The following LMF1 variants were observed in gnomAD, a reference collection of about 807,000 sequenced individuals.
LMF1 encodes transmembrane protein 112.
A neutral mutation model predicts 60.6 loss-of-function variants in LMF1; 68 were observed. The ratio of observed to expected loss-of-function variants is 1.12; its 90% CI spans 0.92 to 1.37. The LOEUF (loss-of-function observed/expected upper bound fraction) is 1.37, where lower values mean the gene tolerates loss of function less well. LMF1 is among the 40% of genes most tolerant of loss of function. LMF1 has a pLI of 0.00. For missense variants in LMF1, 948 were observed against 767.2 expected (o/e 1.24, Z -2.78); for synonymous variants, 418 against 324.7 (o/e 1.29, Z -3.09).
chr16:868,083 G>A (rs1379844495), intron 10 of LMF1, among the ~76,000 whole-genome samples: 1 of 152,104 alleles, frequency 6.6e-6, no homozygotes, highest in East Asian at 1.9e-4. Flanking sequence ...CTCTGTTCCT[G>A]CTACCTCCAG....
chr16:861,291 T>G (rs2069456738), intron 10 of LMF1, among the ~76,000 whole-genome samples: 1 of 152,160 alleles, frequency 6.6e-6, no homozygotes, highest in South Asian at 2.1e-4. Flanking sequence ...AGGAATACTA[T>G]TGAATCATTT....
In LMF1 at chr16:897,015, A is replaced by C. The variant is rs1056762792; in HGVS notation, c.664-3943T>G. 4.0e-5 allele frequency among the ~76,000 whole-genome samples: 6 copies of C among 151,738 alleles called. No individual in the cohort carries two copies. The South Asian group carries it at 1.0e-3, about 26-fold the overall frequency. On this transcript the variant is annotated intron_variant, in intron 4 of 10. Transcript: ENST00000262301. This position sits in a 1 kb window ranked among gnomAD's most constrained non-coding sequence, Gnocchi z 4.3. ...TTAATTCTAAAAAAAAAAATGGCAC[A>C]GACAGGCCAATAAACGCACCAGACC...
At chr16:946,909 C>T (rs2072251003) in intron 2 of LMF1, among the ~76,000 whole-genome samples, 2 of 152,246 alleles carry the variant, frequency 1.3e-5, no homozygotes, top group Non-Finnish European at 2.9e-5. Flanking sequence ...AGCAGACACA[C>T]ACAGGCTCCC....
Position 976,612 on chromosome 16 carries a change from A to G in LMF1, c.-135+4533T>C, listed in dbSNP as rs1163021847. The G allele has an allele frequency of 8.8e-6, 4 of 453,978 alleles. No individual in the cohort carries two copies. The Admixed American group carries it at 9.4e-5, about 11-fold the overall frequency. The allele number at this position is 453,978 out of a possible 1,614,324, so 28.1% of individuals were successfully genotyped here. On this transcript the variant is annotated intron_variant, in intron 1 of 6. Transcript: ENST00000570014. ...ACCCTCTGCCCATTATCAGACGAGAAGTGCAGAGAGCAAATGCGTGCTGTT... is the reference window on the plus strand; with the variant it reads ...ACCCTCTGCCCATTATCAGACGAGAGGTGCAGAGAGCAAATGCGTGCTGTT...
chr16:933,139 G>C (rs1038228794), intron 3 of LMF1: 2 of 152,258 alleles, frequency 1.3e-5, no homozygotes, highest in African/African-American at 4.8e-5. Flanking sequence ...AGCACGCAGA[G>C]CCGCACGCCC....
At chr16:919,699 G>C (rs779356816) in intron 3 of LMF1, among the ~76,000 whole-genome samples, 48 of 147,334 alleles carry the variant, frequency 3.3e-4, no homozygotes, top group Admixed American at 1.1e-3. Context: ...GGAGGTCTTG[G>C]GGAGAAAGAC....
At chr16:977,001 G>A (rs2073167371) in intron 1 of LMF1, 1 of 453,870 alleles carries the variant, frequency 2.2e-6, no homozygotes, top group South Asian at 1.6e-5. Context: ...GAGGTCGGGG[G>A]CATCAGGAGG....
At chr16:971,348 G>C (rs893695767), upstream of LMF1, among the ~76,000 whole-genome samples, 3 of 152,228 alleles carry the variant, frequency 2.0e-5, no homozygotes, top group Non-Finnish European at 4.4e-5. Context: ...CGCCTTCCCA[G>C]CTGTGGTCCT....
At position 879,738 on chromosome 16, in the gene LMF1, C is replaced by T. The variant is rs1242460191; in HGVS notation, c.730-1G>A. On this transcript the variant is annotated splice_acceptor_variant, in intron 5 of 10. Transcript: ENST00000262301. LOFTEE classifies it high-confidence loss of function. Reference sequence around the variant, plus strand: ...CCACAGGATTGGGCATCGGCTGGGTCTGCAGGGACAGGAGGGGCCGTGAGG... The same window carrying T: ...CCACAGGATTGGGCATCGGCTGGGTTTGCAGGGACAGGAGGGGCCGTGAGG... 1 of 1,579,856 alleles carries T rather than the reference C, an allele frequency of 6.3e-7. No homozygotes were observed. The highest frequency in any genetic ancestry group is 2.3e-5 in the East Asian group (1 of 43,118).
chr16:939,566 T>C (rs2072039070), intron 2 of LMF1, among the ~76,000 whole-genome samples: 1 of 152,216 alleles, frequency 6.6e-6, no homozygotes, highest in South Asian at 2.1e-4. Flanking sequence ...GACCAGTGCG[T>C]CGCTGAGACT....
At chr16:894,345 A>C (rs1270694171) in intron 4 of LMF1, among the ~76,000 whole-genome samples, 1 of 119,774 alleles carries the variant, frequency 8.3e-6, no homozygotes, top group Non-Finnish European at 1.7e-5. Flanking sequence ...TGTCCACCGG[A>C]CCGTCCGCCC....
intron 1 of LMF1, among the ~76,000 whole-genome samples, chr16:959,344 C>G (rs553134090): frequency 2.0e-5 from 3 of 152,274 alleles, no homozygotes; most frequent in South Asian, 4.2e-4. Flanking sequence ...TGATTTCATT[C>G]GTATGTCACA....
Position 885,893 on chromosome 16 carries a change from A to T in LMF1, c.730-6156T>A, listed in dbSNP as rs149390489. Among the ~76,000 whole-genome samples, 719 of 152,370 alleles carry T rather than the reference A, an allele frequency of 4.7e-3. 6 individuals are homozygous for T. The highest frequency in any genetic ancestry group is 0.016 in the African/African-American group (674 of 41,584). The stretch of plus-strand genomic sequence containing the variant: ...TTGATCTAATGAATCCTGACAGAAC[A>T]CTGTCTGTTCATTTTTGGCTCAAAC... On this transcript the variant is annotated intron_variant, in intron 5 of 10. Transcript: ENST00000262301.
chr16:907,858 T>A (rs754404823), intron 4 of LMF1, among the ~76,000 whole-genome samples: 2 of 152,234 alleles, frequency 1.3e-5, no homozygotes, highest in Admixed American at 6.5e-5. Flanking sequence ...GTGCACCTGA[T>A]AATTTCTTCT....
In LMF1 at chr16:869,890, G is replaced by T. The variant is rs1444967235; in HGVS notation, c.1409C>A (p.Ala470Asp). 1 of 1,611,758 alleles carries T rather than the reference G, an allele frequency of 6.2e-7. No individual in the cohort carries two copies. Among genetic ancestry groups the T allele is most frequent in the Admixed American group, 1.7e-5 (1 of 59,902 alleles). The change falls in exon 9 of 11, where the codon GCC becomes GAC. Residue 470 changes from alanine to aspartate, a missense_variant. Transcript: ENST00000262301. ...CCAGGGACCGTCCCCCACCTGGAAG[G>T]CCGCGAACCACATCAGCCAGTCCAG... The part of the protein sequence containing the change: ...YRLDWLMWFA[A>D]FQTYEHNDWI...
intron 3 of LMF1, among the ~76,000 whole-genome samples, chr16:922,651 C>T (rs1441339972): frequency 2.5e-5 from 3 of 122,038 alleles, no homozygotes; most frequent in South Asian, 2.8e-4. Context: ...GTGTGAAAGT[C>T]GCCTGGGTTT....
chr16:908,653 C>G (rs920179072), intron 4 of LMF1, among the ~76,000 whole-genome samples: 3 of 152,230 alleles, frequency 2.0e-5, no homozygotes, highest in Non-Finnish European at 2.9e-5. Context: ...TGGACAGAGG[C>G]TGAGCTCACC....
chr16:876,027 G>A (rs888568892), intron 6 of LMF1, among the ~76,000 whole-genome samples: 1 of 152,222 alleles, frequency 6.6e-6, no homozygotes, highest in Non-Finnish European at 1.5e-5. Context: ...TGGGACCCGG[G>A]GCTGGCACAG....
rs576666150 is a variant in LMF1 at position 890,071 on chromosome 16, A to ACC, written c.729+2934_729+2935dup. ...CCACACACTGCCCCCTGTACCTAGGACCCCCCAGTGCTTCTGGCCTTGGAC... is the reference window on the plus strand; with the variant it reads ...CCACACACTGCCCCCTGTACCTAGGACCCCCCCCAGTGCTTCTGGCCTTGGAC... On this transcript the variant is annotated intron_variant, in intron 5 of 10. Transcript: ENST00000262301. Among the ~76,000 whole-genome samples, 640 of 151,544 alleles carry ACC rather than the reference A, an allele frequency of 4.2e-3. 5 individuals are homozygous for ACC. The highest frequency in any genetic ancestry group is 0.014 in the African/African-American group (574 of 41,262).
Sources: gnomAD v4.1 joint callset for allele counts (sites outside exome capture counted in the v4.1 genomes callset) on GRCh38, gnomAD v4.1.1 for gene constraint, Gnocchi (gnomAD v3.1) non-coding constraint, MANE v1.5 for transcripts, NCBI Gene and HGNC (gene_info 2026-07-23, HGNC 2026-07-21) for gene names.